Variants in SUPT3H observed in about 807,000 individuals in gnomAD.
SUPT3H encodes the protein transcription initiation protein SPT3 homolog.
In SUPT3H, 44 loss-of-function variants were observed where a neutral mutation model predicts 44.3. The ratio of observed to expected loss-of-function variants is 0.99; its 90% CI spans 0.78 to 1.28. The LOEUF (loss-of-function observed/expected upper bound fraction) is 1.28, where lower values mean the gene tolerates loss of function less well. Ranked by LOEUF, SUPT3H falls within the 50% of genes most tolerant of loss-of-function variation. SUPT3H has a pLI of 0.00. For missense variants in SUPT3H, 380 were observed against 387.1 expected (o/e 0.98, Z 0.15); for synonymous variants, 124 against 125.6 (o/e 0.99, Z 0.09).
intron 2 of SUPT3H, among the ~76,000 whole-genome samples, chr6:45,279,758 T>C (rs981091551): frequency 4.6e-5 from 7 of 152,190 alleles, no homozygotes; most frequent in African/African-American, 9.7e-5. Flanking sequence ...CCTAATACAA[T>C]GTATTTATAC....
intron 2 of SUPT3H, among the ~76,000 whole-genome samples, chr6:45,295,276 T>G (rs566501492): frequency 1.2e-4 from 18 of 152,050 alleles, no homozygotes; most frequent in African/African-American, 3.9e-4. Flanking sequence ...GCTGGGATAC[T>G]AGGCTAGCCA....
In SUPT3H at chr6:44,876,690, C is replaced by A. The variant is rs368665538; in HGVS notation, c.913-46833G>T. ...ATTAAAAAAAAAATTAAACAACATACTCTTAAATAACCAATGGATCAAAGG... is the reference window on the plus strand; with the variant it reads ...ATTAAAAAAAAAATTAAACAACATAATCTTAAATAACCAATGGATCAAAGG... On this transcript the variant is annotated intron_variant, in intron 10 of 10. Coordinates refer to ENST00000371459, the MANE Select transcript of SUPT3H (RefSeq NM_003599.4). Among the ~76,000 whole-genome samples, 62 of 150,158 alleles carry A rather than the reference C, an allele frequency of 4.1e-4. 1 individual carries two copies. The East Asian group carries it at 8.4e-3, about 20-fold the overall frequency.
At chr6:45,197,278 A>G (rs1255062952) in intron 2 of SUPT3H, among the ~76,000 whole-genome samples, 1 of 151,700 alleles carries the variant, frequency 6.6e-6, no homozygotes, top group Non-Finnish European at 1.5e-5. Flanking sequence ...TGATCATTTC[A>G]GATTTTTTCA....
At chr6:45,062,454 G>A (rs1223038290) in intron 3 of SUPT3H, among the ~76,000 whole-genome samples, 1 of 151,560 alleles carries the variant, frequency 6.6e-6, no homozygotes, top group Non-Finnish European at 1.5e-5. Flanking sequence ...GTAGGGGTGA[G>A]GAGCCAAGAT....
intron 2 of SUPT3H, among the ~76,000 whole-genome samples, chr6:45,336,149 A>G (rs1225689828): frequency 1.3e-5 from 2 of 151,246 alleles, no homozygotes; most frequent in Non-Finnish European, 3.0e-5. Context: ...AAACACATAT[A>G]CATTATTTCT....
intron 2 of SUPT3H, among the ~76,000 whole-genome samples, chr6:45,303,092 A>C (rs1045003601): frequency 6.6e-6 from 1 of 152,194 alleles, no homozygotes; most frequent in African/African-American, 2.4e-5. Flanking sequence ...CTGGATCCTT[A>C]TCTCTCACCT....
intron 2 of SUPT3H, among the ~76,000 whole-genome samples, chr6:45,155,692 G>C (rs114180252): frequency 0.017 from 2,657 of 152,168 alleles, 52 homozygotes; most frequent in South Asian, 0.085. Context: ...AACAAAAATG[G>C]AGTTAGTCAT....
chr6:45,190,704 T>C (rs1814986079), intron 2 of SUPT3H, among the ~76,000 whole-genome samples: 1 of 152,028 alleles, frequency 6.6e-6, no homozygotes, highest in East Asian at 1.9e-4. Flanking sequence ...CAAGGACTGG[T>C]AACCAAAATA....
intron 10 of SUPT3H, among the ~76,000 whole-genome samples, chr6:44,869,587 C>G (rs1471565219): frequency 6.6e-6 from 1 of 152,146 alleles, no homozygotes; most frequent in Non-Finnish European, 1.5e-5. Context: ...AAACCTAAAC[C>G]AATTCTACCT....
At chr6:44,905,904 C>G (rs1469385199) in intron 10 of SUPT3H, among the ~76,000 whole-genome samples, 2 of 152,140 alleles carry the variant, frequency 1.3e-5, no homozygotes, top group Admixed American at 6.6e-5. Flanking sequence ...AACCATCATT[C>G]TCAGCAAACT....
intron 10 of SUPT3H, among the ~76,000 whole-genome samples, chr6:44,865,912 T>G (rs544041855): frequency 6.6e-6 from 1 of 152,310 alleles, no homozygotes; most frequent in African/African-American, 2.4e-5. Context: ...GGGGGAGACC[T>G]GAGTCTGCTA....
intron 2 of SUPT3H, among the ~76,000 whole-genome samples, chr6:45,307,937 C>T (rs9472460): frequency 0.31 from 46,498 of 152,040 alleles, 8,746 homozygotes; most frequent in East Asian, 0.57. Context: ...CTGAAAACCA[C>T]GGCACGAGAA....
intron 2 of SUPT3H, among the ~76,000 whole-genome samples, chr6:45,241,014 C>T (rs1023070514): frequency 6.6e-5 from 10 of 152,234 alleles, no homozygotes; most frequent in Non-Finnish European, 8.8e-5. Context: ...CAGCTAGTAA[C>T]CCATTAAAAA....
chr6:45,227,257 T>C (rs1227014957), intron 2 of SUPT3H, among the ~76,000 whole-genome samples: 1 of 151,702 alleles, frequency 6.6e-6, no homozygotes, highest in Non-Finnish European at 1.5e-5. Context: ...ATTTCTGGAA[T>C]TAAAATAATT....
intron 2 of SUPT3H, among the ~76,000 whole-genome samples, chr6:45,358,561 T>C (rs1160774939): frequency 6.6e-6 from 1 of 152,158 alleles, no homozygotes; most frequent in Non-Finnish European, 1.5e-5. Flanking sequence ...ATTTATTTTT[T>C]AAAAAGATAA....
chr6:45,317,357 A>C (rs1472342802), intron 2 of SUPT3H, among the ~76,000 whole-genome samples: 1 of 152,052 alleles, frequency 6.6e-6, no homozygotes, highest in Non-Finnish European at 1.5e-5. Flanking sequence ...CCTAAAATTC[A>C]TATGGAACCA....
chr6:45,130,794 C>T (rs1416083122), intron 2 of SUPT3H, among the ~76,000 whole-genome samples: 5 of 149,418 alleles, frequency 3.3e-5, no homozygotes, highest in East Asian at 2.0e-4. Flanking sequence ...CTCGGCTCAC[C>T]GCAACCTCCG....
chr6:45,047,811 T>C (rs1037202308), intron 3 of SUPT3H, among the ~76,000 whole-genome samples: 4 of 152,156 alleles, frequency 2.6e-5, no homozygotes, highest in African/African-American at 9.7e-5. Context: ...TCATATCTCA[T>C]TGTGGTTTTA....
chr6:45,289,832 C>G (rs916645391), intron 2 of SUPT3H, among the ~76,000 whole-genome samples: 1 of 152,096 alleles, frequency 6.6e-6, no homozygotes, highest in Non-Finnish European at 1.5e-5. Flanking sequence ...CAGCTGGTAA[C>G]ACTAGTACAG....
Sources: gnomAD v4.1 joint callset for allele counts (sites outside exome capture counted in the v4.1 genomes callset) on GRCh38, gnomAD v4.1.1 for gene constraint, MANE v1.5 for transcripts, NCBI Gene and HGNC (gene_info 2026-07-23, HGNC 2026-07-21) for gene names.